Variants in RBMX2 observed in about 807,000 individuals in gnomAD.
RBMX2 encodes RNA binding motif protein X-linked 2, also known as RNA-binding motif protein, X-linked 2.
For synonymous variants in RBMX2, 77 were observed against 94.3 expected (o/e 0.82, Z 1.07); for missense variants, 191 against 256.0 (o/e 0.75, Z 1.73).
chrX:130,403,671 C>T (rs1187201663), intron 2 of RBMX2, 131 bp from the exon 3 acceptor site: 7 of 609,018 alleles, frequency 1.1e-5, no homozygotes, highest in African/African-American at 2.2e-5. Flanking sequence ...CGGTGCCCAG[C>T]CCAGACTTGA....
At chrX:130,402,228 C>T (rs1569459656) in intron 1 of RBMX2, 27 bp from the exon 2 acceptor site, 3 of 1,029,123 alleles carry the variant, frequency 2.9e-6, no homozygotes, top group South Asian at 2.0e-5. Flanking sequence ...TCTGCCTACC[C>T]TCCCCACCCC....
At chrX:130,408,516 C>T (rs1261064683) in intron 3 of RBMX2, among the ~76,000 whole-genome samples, 3 of 111,576 alleles carry the variant, frequency 2.7e-5, no homozygotes, top group Non-Finnish European at 5.6e-5. Flanking sequence ...GCTTCGTCTT[C>T]TCTTTCATGC....
chrX:130,406,893 C>G (rs965678729), intron 3 of RBMX2, among the ~76,000 whole-genome samples: 3 of 110,646 alleles, frequency 2.7e-5, no homozygotes, highest in African/African-American at 9.9e-5. Context: ...TACATTGAAC[C>G]ATTAGAAATT....
intron 5 of RBMX2, 85 bp downstream of exon 5, chrX:130,411,610 C>T: frequency 1.1e-6 from 1 of 894,643 alleles, no homozygotes; most frequent in Middle Eastern, 2.9e-4. Context: ...ATAATCAACT[C>T]AAGTGTGAAA....
chrX:130,408,690 T>C (rs2034497303), intron 3 of RBMX2, among the ~76,000 whole-genome samples: 1 of 112,006 alleles, frequency 8.9e-6, no homozygotes, highest in Non-Finnish European at 1.9e-5. Context: ...TCAATTTTAA[T>C]ACATGCTTCA....
Position 130,412,765 on chromosome X carries a change from C to T in RBMX2, c.886C>T (p.Arg296Ter), listed in dbSNP as rs2034521248. The stretch of plus-strand genomic sequence containing the variant: ...TAGTTATAGAAGTAGAAGTAGGAGC[C>T]GAGATAAATCCCATAGGCATAAAAG... ...GRSYRSRSRS[R>*]DKSHRHKRAR... Residue 296 changes from arginine to a stop codon, truncating the protein, a stop_gained, in exon 6 of 6, where the codon CGA (arginine) becomes TGA (stop). Coordinates refer to ENST00000305536, the MANE Select transcript of RBMX2 (RefSeq NM_016024.4). LOFTEE classifies it low-confidence loss of function (END_TRUNC). The T allele has an allele frequency of 4.1e-6, 5 of 1,211,063 alleles. No homozygotes were observed. The highest frequency in any genetic ancestry group is 4.5e-6 in the Non-Finnish European group (4 of 895,348).
intron 2 of RBMX2, among the ~76,000 whole-genome samples, chrX:130,403,570 G>A (rs1444077586): frequency 1.8e-5 from 2 of 110,694 alleles, no homozygotes; most frequent in African/African-American, 3.3e-5. Flanking sequence ...CCGGGGTTTC[G>A]CCATGTTGGA....
At chrX:130,404,928 A>G (rs757589844) in intron 3 of RBMX2, among the ~76,000 whole-genome samples, 17 of 112,469 alleles carry the variant, frequency 1.5e-4, no homozygotes, top group Non-Finnish European at 2.8e-4. Flanking sequence ...TGGTACTTCT[A>G]CTCAGCCTTC....
chrX:130,402,173 T>C (rs992869210), intron 1 of RBMX2, 82 bp from the exon 2 acceptor site: 16 of 1,163,678 alleles, frequency 1.4e-5, no homozygotes, highest in Non-Finnish European at 1.8e-5. Flanking sequence ...CCCCTAGTTT[T>C]GCTCTTCCTC....
At chrX:130,402,518 C>T (rs1211897289) in intron 2 of RBMX2, 148 bp downstream of exon 2, 2 of 1,004,823 alleles carry the variant, frequency 2.0e-6, no homozygotes, top group Admixed American at 3.6e-5. Context: ...CGTGTTACAT[C>T]TCTTTTCTGC....
chrX:130,412,321 T>C (rs1315739694), intron 5 of RBMX2, 40 bp from the exon 6 acceptor site: 1 of 1,086,630 alleles, frequency 9.2e-7, no homozygotes, highest in Non-Finnish European at 1.2e-6. Context: ...TTTATTTTTT[T>C]CCCTTTTCTT....
intron 4 of RBMX2, among the ~76,000 whole-genome samples, chrX:130,410,690 G>C: frequency 8.9e-6 from 1 of 112,291 alleles, no homozygotes; most frequent in Non-Finnish European, 1.9e-5. Flanking sequence ...CCCGGCCAGA[G>C]GGGTTAATAT....
At position 130,412,891 on chromosome X, in the gene RBMX2, T is replaced by A. The variant is rs772778226; in HGVS notation, c.*43T>A. 8.8e-7 allele frequency: 1 copy of A among 1,130,485 alleles called. No homozygotes were observed. The highest frequency in any genetic ancestry group is 2.8e-5 in the Admixed American group (1 of 35,663). 93.2% of individuals were successfully genotyped at this position (1,130,485 alleles called of 1,213,427 possible). A position where few individuals can be genotyped will look rare whatever the true frequency, so the allele number is the denominator to read the frequency against. On this transcript the variant is annotated 3_prime_UTR_variant, in exon 6 of 6. Transcript: ENST00000305536. ...TAGATTTGGAAATAATTATGTTTTTTAAATGCAGTCAAATTCAGTTGGGTG... is the reference window on the plus strand; with the variant it reads ...TAGATTTGGAAATAATTATGTTTTTAAAATGCAGTCAAATTCAGTTGGGTG...
chrX:130,412,289 T>C, intron 5 of RBMX2, 72 bp from the exon 6 acceptor site: 1 of 1,053,491 alleles, frequency 9.5e-7, no homozygotes, highest in Admixed American at 3.3e-5. Flanking sequence ...AAAGGTGCTT[T>C]TTTTTTTTTT....
chrX:130,408,970 T>C (rs1005436975), intron 3 of RBMX2, among the ~76,000 whole-genome samples: 1 of 112,301 alleles, frequency 8.9e-6, no homozygotes, highest in African/African-American at 3.2e-5. Flanking sequence ...TCCTGGCTTA[T>C]ACCTTTGTTG....
intron 3 of RBMX2, among the ~76,000 whole-genome samples, chrX:130,407,394 T>C (rs2034491200): frequency 9.0e-6 from 1 of 111,239 alleles, no homozygotes; most frequent in African/African-American, 3.3e-5. Context: ...ACTTCCTTTT[T>C]TCATTTCTTG....
chrX:130,403,679 T>C lies in RBMX2; in HGVS notation c.122-123T>C. 3 of 643,978 alleles carry C rather than the reference T, an allele frequency of 4.7e-6. No homozygotes were observed. In the East Asian group the frequency reaches 9.8e-5, roughly 21 times the overall value. The allele number at this position is 643,978 out of a possible 1,213,427, so 53.1% of individuals were successfully genotyped here. A position where few individuals can be genotyped will look rare whatever the true frequency, so the allele number is the denominator to read the frequency against. The stretch of plus-strand genomic sequence containing the variant: ...TGAGCCACGGTGCCCAGCCCAGACT[T>C]GATTTCTTTAAGGGCAGGGCCTGTT... On this transcript the variant is annotated intron_variant, in intron 2 of 5. Transcript: ENST00000305536.
chrX:130,402,791 C>T (rs962073872), intron 2 of RBMX2, among the ~76,000 whole-genome samples: 1 of 111,620 alleles, frequency 9.0e-6, no homozygotes, highest in East Asian at 2.8e-4. Flanking sequence ...TCCCCCATTC[C>T]CCTTCCCTTC....
chrX:130,406,666 C>G (rs2034487023), intron 3 of RBMX2, among the ~76,000 whole-genome samples: 1 of 88,352 alleles, frequency 1.1e-5, no homozygotes, highest in African/African-American at 4.9e-5. Flanking sequence ...GAGTGAGACT[C>G]TGTCTCCAAA....
Sources: allele counts gnomAD v4.1 joint callset (sites outside exome capture counted in the v4.1 genomes callset), GRCh38; gene constraint gnomAD v4.1.1; transcripts MANE v1.5; gene names NCBI Gene and HGNC (gene_info 2026-07-23, HGNC 2026-07-21).